PTX4: variants seen among roughly 807,000 people sequenced by gnomAD.
PTX4 encodes the protein pentraxin-4.
PTX4 carries 23 observed loss-of-function variants against 19.1 expected under a neutral mutation model. The observed-to-expected ratio is 1.20, with a 90% CI of 0.87 to 1.70. PTX4 has a LOEUF of 1.70. PTX4 is among the 40% of genes most tolerant of loss of function. The pLI, the probability that PTX4 is intolerant of heterozygous loss-of-function variation, is 0.00. For missense variants in PTX4, 678 were observed against 610.5 expected (o/e 1.11, Z -1.17); for synonymous variants, 317 against 279.6 (o/e 1.13, Z -1.33).
intron 2 of PTX4, 58 bp downstream of exon 2, chr16:1,487,258 G>A (rs2142423971): frequency 1.4e-6 from 2 of 1,440,146 alleles, no homozygotes; most frequent in South Asian, 1.5e-5. Context: ...CAGGGGGCCT[G>A]GTCTAAGGAG....
At chr16:1,488,032 A>G in intron 1 of PTX4, 62 bp from the exon 2 acceptor site, 1 of 1,486,718 alleles carries the variant, frequency 6.7e-7, no homozygotes, top group Non-Finnish European at 9.0e-7. Context: ...CGGGACGGGA[A>G]AGGCTTTGCC....
At position 1,486,140 on chromosome 16, in the gene PTX4, G is replaced by C; in HGVS notation, c.1236C>G (p.Gly412=). ...CGAAGGCCTCGGAGCTGTCGAATCC[G>C]CCCCCCACGCTGTCTTGTTCCTGGC... ...VLGQEQDSVG[G]GFDSSEAFVG... is the part of the protein sequence containing the mutation. Residue 412 remains glycine, a synonymous_variant, in exon 3 of 3, where the codon GGC becomes GGG. Coordinates refer to ENST00000447419, the MANE Select transcript of PTX4 (RefSeq NM_001328608.2). 1 of 1,614,114 alleles carries C rather than the reference G, an allele frequency of 6.2e-7. No individual in the cohort carries two copies. Among genetic ancestry groups the C allele is most frequent in the East Asian group, 2.2e-5 (1 of 44,890 alleles).
rs376263390 is a variant in PTX4 at position 1,486,439 on chromosome 16, G to A, written c.937C>T (p.Leu313Phe). Residue 313 changes from leucine to phenylalanine, a missense_variant, in exon 3 of 3, where the codon CTC becomes TTC. Coordinates refer to ENST00000447419, the MANE Select transcript of PTX4 (RefSeq NM_001328608.2). ...VRTASGRLGTLLSYATEDNDN... is the reference protein window; with the variant it reads ...VRTASGRLGTFLSYATEDNDN... ...TTGTCCTCGGTGGCGTAGGACAGGAGGGTGCCCAGGCGGCCGGAGGCCGTG... is the reference window on the plus strand; with the variant it reads ...TTGTCCTCGGTGGCGTAGGACAGGAAGGTGCCCAGGCGGCCGGAGGCCGTG... 4.6e-5 allele frequency: 74 copies of A among 1,613,748 alleles called. No individual in the cohort carries two copies. Among genetic ancestry groups the A allele is most frequent in the Non-Finnish European group, 6.0e-5 (71 of 1,179,936 alleles).
At chr16:1,488,227 G>A (rs1337101410) in intron 1 of PTX4, 7 of 1,452,386 alleles carry the variant, frequency 4.8e-6, no homozygotes, top group African/African-American at 2.8e-5. Flanking sequence ...GATCCCCACC[G>A]CTCACCCCAT....
Position 1,487,772 on chromosome 16 carries a change from G to C in PTX4, c.340C>G (p.Arg114Gly), listed in dbSNP as rs372863163. 5 of 1,612,752 alleles carry C rather than the reference G, an allele frequency of 3.1e-6. No individual in the cohort carries two copies. In the Admixed American group the frequency reaches 5.0e-5, roughly 16 times the overall value. The change falls in exon 2 of 3, where the codon CGA becomes GGA. Residue 114 changes from arginine to glycine, a missense_variant. By Grantham distance (125) the Arg-to-Gly change is moderately radical. Transcript: ENST00000447419. Reference protein sequence around the residue: ...LKAWVRKLQRRGRKVDTRLRA... With the variant: ...LKAWVRKLQRGGRKVDTRLRA... ...AGCCGCGTGTCTACTTTCCGGCCTC[G>C]GCGCTGCAGCTTCCTCACCCAGGCC...
chr16:1,488,212 G>A, intron 1 of PTX4: 2 of 1,369,828 alleles, frequency 1.5e-6, no homozygotes, highest in African/African-American at 2.9e-5. Flanking sequence ...CACAGCTGGG[G>A]CTCTGATCCC....
In PTX4 at chr16:1,486,462, G is replaced by A. The variant is rs146273460; in HGVS notation, c.914C>T (p.Thr305Met). ...RALSFCSWVRTASGRLGTLLS... is the reference protein window; with the variant it reads ...RALSFCSWVRMASGRLGTLLS... ...GAGGGTGCCCAGGCGGCCGGAGGCC[G>A]TGCGGACCCAGCTGCAGAAGGACAG... The change falls in exon 3 of 3, where the codon ACG becomes ATG. Residue 305 changes from threonine to methionine, a missense_variant. Coordinates refer to ENST00000447419, the MANE Select transcript of PTX4 (RefSeq NM_001328608.2). The A allele has an allele frequency of 3.8e-4, 610 of 1,613,346 alleles. No individual in the cohort carries two copies. Among genetic ancestry groups the A allele is most frequent in the Admixed American group, 3.3e-4 (20 of 59,894 alleles).
rs760261354 is a variant in PTX4, at chr16:1,485,977, G to A, written c.1399C>T (p.Gln467Ter). ...ANAALAGGFVQGANCTCLERC... is the reference protein window; with the variant it reads ...ANAALAGGFV ...TCCAGGCAGGTGCAGTTGGCCCCCT[G>A]CACAAATCCGCCTGCTAGTGCAGCA... Residue 467 changes from glutamine to a stop codon, truncating the protein, a stop_gained, in exon 3 of 3, where the codon CAG becomes TAG. Transcript: ENST00000447419. LOFTEE classifies it high-confidence loss of function. The A allele has an allele frequency of 2.4e-5, 38 of 1,611,182 alleles. No homozygotes were observed. The highest frequency in any genetic ancestry group is 3.2e-5 in the Non-Finnish European group (38 of 1,179,732).
At position 1,488,889 on chromosome 16, in the gene PTX4, C is replaced by A. The variant is rs1349479502; in HGVS notation, c.21G>T (p.Lys7Asn). ...CAAAAACAAGGAAGAAAGACAAGGT[C>A]TTCCTCCACGAGCAACCCATCCGGA... MGCSWR[K>N]TLSFFLVFVP... Residue 7 changes from lysine (K) to asparagine (N), a missense_variant, in exon 1 of 3, where the codon AAG becomes AAT. By Grantham distance (94) the Lys-to-Asn change is moderately conservative. Transcript: ENST00000447419. 1.4e-6 allele frequency: 1 copy of A among 700,524 alleles called. No individual in the cohort carries two copies. The highest frequency in any genetic ancestry group is 2.6e-6 in the Non-Finnish European group (1 of 383,058). The allele number at this position is 700,524 out of a possible 1,614,324, so 43.4% of individuals were successfully genotyped here. A position where few individuals can be genotyped will look rare whatever the true frequency, so the allele number is the denominator to read the frequency against.
At position 1,486,047 on chromosome 16, in the gene PTX4, G is replaced by A. The variant is rs2039240182; in HGVS notation, c.1329C>T (p.Ala443=). The A allele has an allele frequency of 6.2e-7, 1 of 1,614,022 alleles. No homozygotes were observed. The highest frequency in any genetic ancestry group is 1.3e-5 in the African/African-American group (1 of 74,934). ...CACCTGTCGGGAACTCTTTCCCGAT[G>A]GCAAGGTTTGCAACTTCCCCGGGAA... ...ALVPGEVANL[A]IGKEFPTGAI... The change falls in exon 3 of 3, where the codon GCC becomes GCT. Residue 443 remains alanine (A), a synonymous_variant. Coordinates refer to ENST00000447419, the MANE Select transcript of PTX4 (RefSeq NM_001328608.2).
chr16:1,488,575 G>A, intron 1 of PTX4, 194 bp downstream of exon 1: 1 of 987,366 alleles, frequency 1.0e-6, no homozygotes, highest in African/African-American at 1.6e-5. Context: ...TGTGTCCTGT[G>A]TGAGTGGAGC....
rs12445920 is a variant in PTX4 at position 1,487,411 on chromosome 16, C to T, written c.701G>A (p.Arg234Gln). The change falls in exon 2 of 3, where the codon CGG becomes CAG. Residue 234 changes from arginine (R) to glutamine (Q), a missense_variant. Transcript: ENST00000447419. ...QDSSAPLQGRREPPASGSHRV... is the reference protein window; with the variant it reads ...QDSSAPLQGRQEPPASGSHRV... Reference sequence around the variant, plus strand: ...ATGGCTGCCTGAGGCTGGAGGCTCCCGCCTCCCTTGGAGAGGGGCCGAGGA... The same window carrying T: ...ATGGCTGCCTGAGGCTGGAGGCTCCTGCCTCCCTTGGAGAGGGGCCGAGGA... 1.8e-5 allele frequency: 27 copies of T among 1,532,590 alleles called. No homozygotes were observed. The highest frequency in any genetic ancestry group is 4.7e-5 in the East Asian group (2 of 42,872). 94.9% of individuals were successfully genotyped at this position (1,532,590 alleles called of 1,614,324 possible).
At chr16:1,486,632 T>C in intron 2 of PTX4, 53 bp from the exon 3 acceptor site, 2 of 1,500,302 alleles carry the variant, frequency 1.3e-6, no homozygotes, top group Admixed American at 4.8e-5. Flanking sequence ...AGCAGAAGCA[T>C]CCAGAAGCAC....
chr16:1,487,994 T>A, intron 1 of PTX4, 24 bp from the exon 2 acceptor site: 1 of 1,471,548 alleles, frequency 6.8e-7, no homozygotes, highest in Non-Finnish European at 9.1e-7. Flanking sequence ...ACGGTGATGA[T>A]GGGGCGGGCC....
In PTX4 at chr16:1,485,989, C is replaced by G; in HGVS notation, c.1387G>C (p.Gly463Arg). 1 of 1,612,868 alleles carries G rather than the reference C, an allele frequency of 6.2e-7. No homozygotes were observed. Among genetic ancestry groups the G allele is most frequent in the Non-Finnish European group, 8.5e-7 (1 of 1,179,880 alleles). ...CAGTTGGCCCCCTGCACAAATCCGC[C>G]TGCTAGTGCAGCATTGGCCAGCGTC... The part of the protein sequence containing the change: ...ILTLANAALA[G>R]GFVQGANCTC... The change falls in exon 3 of 3, where the codon GGC becomes CGC. Residue 463 changes from glycine to arginine, a missense_variant. Physicochemically the swap from Gly to Arg is moderately radical, Grantham distance 125. Coordinates refer to ENST00000447419, the MANE Select transcript of PTX4 (RefSeq NM_001328608.2).
rs1485992210 is a variant in PTX4, at chr16:1,487,609, A to G, written c.503T>C (p.Leu168Pro). ...GGGCAGCCGCCCCTCCAGAGCAGCC[A>G]GCCTGGCGCCCTGGCTGTGGACGAG... is the stretch of plus-strand genomic sequence containing the variant. The part of the protein sequence containing the change: ...EGLVHSQGAR[L>P]AALEGRLPVA... Residue 168 changes from leucine to proline, a missense_variant, in exon 2 of 3, where the codon CTG (leucine) becomes CCG (proline). By Grantham distance (98) the Leu-to-Pro change is moderately conservative. Coordinates refer to ENST00000447419, the MANE Select transcript of PTX4 (RefSeq NM_001328608.2). 4.5e-6 allele frequency: 7 copies of G among 1,570,102 alleles called. No homozygotes were observed. Among genetic ancestry groups the G allele is most frequent in the Non-Finnish European group, 6.1e-6 (7 of 1,155,994 alleles).
rs2039240946 is a variant in PTX4, at chr16:1,486,097, A to G, written c.1279T>C (p.Leu427=). The change falls in exon 3 of 3, where the codon TTG becomes CTG. Residue 427 remains leucine, a synonymous_variant. Coordinates refer to ENST00000447419, the MANE Select transcript of PTX4 (RefSeq NM_001328608.2). Reference sequence around the variant, plus strand: ...ACCAGCGCCCGATCCCAGATAGCCAAGCCAGACATGCTCCCCACGAAGGCC... The same window carrying G: ...ACCAGCGCCCGATCCCAGATAGCCAGGCCAGACATGCTCCCCACGAAGGCC... The part of the protein sequence containing the change: ...SEAFVGSMSG[L]AIWDRALVPG... 3 of 1,614,082 alleles carry G rather than the reference A, an allele frequency of 1.9e-6. No homozygotes were observed. The African/African-American group carries it at 4.0e-5, about 22-fold the overall frequency.
chr16:1,486,375 A>G lies in PTX4; in HGVS notation c.1001T>C (p.Leu334Pro). The change falls in exon 3 of 3, where the codon CTG (leucine) becomes CCG (proline). Residue 334 changes from leucine (L) to proline (P), a missense_variant. Physicochemically the swap from Leu to Pro is moderately conservative, Grantham distance 98. Coordinates refer to ENST00000447419, the MANE Select transcript of PTX4 (RefSeq NM_001328608.2). ...GATCACGAAGTGGATGGATCCGGGC[A>G]GCAGGGAGTCTCGGCCGTGCAGCAC... ...KLVLHGRDSL[L>P]PGSIHFVIGD... is the part of the protein sequence containing the mutation. The G allele has an allele frequency of 6.2e-7, 1 of 1,613,990 alleles. No homozygotes were observed. Among genetic ancestry groups the G allele is most frequent in the Non-Finnish European group, 8.5e-7 (1 of 1,179,974 alleles).
intron 2 of PTX4, among the ~76,000 whole-genome samples, 155 bp from the exon 3 acceptor site, chr16:1,486,734 C>T (rs2039249943): frequency 6.6e-6 from 1 of 152,172 alleles, no homozygotes; most frequent in Non-Finnish European, 1.5e-5. Flanking sequence ...TCCCCTGCAG[C>T]GTCTCCTTCA....
Sources: gnomAD v4.1 joint callset for allele counts (sites outside exome capture counted in the v4.1 genomes callset) on GRCh38, gnomAD v4.1.1 for gene constraint, MANE v1.5 for transcripts, NCBI Gene and HGNC (gene_info 2026-07-23, HGNC 2026-07-21) for gene names.